HYOU1: variants seen among roughly 807,000 people sequenced by gnomAD.
HYOU1 encodes hypoxia up-regulated 1.
Under a neutral mutation model 120.5 loss-of-function variants are expected in HYOU1, and 40 were observed. That is an observed-to-expected ratio of 0.33 (90% CI 0.26 to 0.43). The LOEUF is 0.43. Among genes scored for constraint, HYOU1 ranks in the 20% least tolerant of loss-of-function variants. HYOU1 has a pLI of 1.00. For missense variants in HYOU1, 1,085 were observed against 1,278.3 expected (o/e 0.85, Z 2.31); for synonymous variants, 501 against 479.4 (o/e 1.05, Z -0.59).
chr11:119,048,680 CAT>C lies in HYOU1; in HGVS notation c.2165+32_2165+33del. 1 of 1,606,616 alleles carries C rather than the reference CAT, an allele frequency of 6.2e-7. No individual in the cohort carries two copies. Among genetic ancestry groups the C allele is most frequent in the East Asian group, 2.2e-5 (1 of 44,816 alleles). ...CCACATCCTGCCCACCTTGCACACA[CAT>C]GTACACACACACACCAGCTGTCCTC... On this transcript the variant is annotated intron_variant, in intron 18 of 25. Coordinates refer to ENST00000617285, the MANE Select transcript of HYOU1 (RefSeq NM_006389.5). The surrounding 1 kb of genome is among the most constrained non-coding windows in gnomAD (Gnocchi z 4.7).
In HYOU1 at chr11:119,048,363, A is replaced by C. The variant is rs1189322654; in HGVS notation, c.2261T>G (p.Leu754Arg). The C allele has an allele frequency of 1.2e-6, 2 of 1,609,528 alleles. No individual in the cohort carries two copies. Among genetic ancestry groups the C allele is most frequent in the Non-Finnish European group, 1.7e-6 (2 of 1,179,902 alleles). ...CACTTCCTGGTACTCGGGCTGGTAC[A>C]GCTTGTCCTGGGGAGGGGGACATGT... ...EAFIFETQDKLYQPEYQEVST... is the reference protein window; with the variant it reads ...EAFIFETQDKRYQPEYQEVST... Residue 754 changes from leucine to arginine, a missense_variant, in exon 20 of 26, where the codon CTG becomes CGG. By Grantham distance (102) the Leu-to-Arg change is moderately radical (BLOSUM62 -2). Coordinates refer to ENST00000617285, the MANE Select transcript of HYOU1 (RefSeq NM_006389.5). The surrounding 1 kb of genome is among the most constrained non-coding windows in gnomAD (Gnocchi z 4.7).
chr11:119,056,325 C>G (rs1440157864), intron 1 of HYOU1, 158 bp from the exon 2 acceptor site: 1 of 694,764 alleles, frequency 1.4e-6, no homozygotes, highest in Non-Finnish European at 2.6e-6. Flanking sequence ...CTGATGGGTA[C>G]AAACCATTCT....
Position 119,048,596 on chromosome 11 carries a change from G to C in HYOU1, c.2166-33C>G. 1 of 1,611,318 alleles carries C rather than the reference G, an allele frequency of 6.2e-7. No individual in the cohort carries two copies. Among genetic ancestry groups the C allele is most frequent in the Non-Finnish European group, 8.5e-7 (1 of 1,178,064 alleles). On this transcript the variant is annotated intron_variant, in intron 18 of 25. Transcript: ENST00000617285. This position sits in a 1 kb window ranked among gnomAD's most constrained non-coding sequence, Gnocchi z 4.7. ...ACAAAGGAGGGGTAGGGATGAGGGA[G>C]AGGGCAAGTGAGAACTTGAGACTCT...
rs2133564821 is a variant in HYOU1, at chr11:119,048,494, T to C, written c.2235A>G (p.Ala745=). 0.83 allele frequency: 1,347,203 copies of C among 1,613,574 alleles called. 566,588 individuals are homozygous for C. Among genetic ancestry groups the C allele is most frequent in the East Asian group, 0.94 (42,313 of 44,864 alleles). Residue 745 remains alanine, a synonymous_variant, in exon 19 of 26, where the codon GCA becomes GCG. Transcript: ENST00000617285. The surrounding 1 kb of genome is among the most constrained non-coding windows in gnomAD (Gnocchi z 4.7). ...CACTGACCTGGGTCTCAAATATGAA[T>C]GCTTCCAAGCTGTTGGCAGCTTTTT... ...EREKAANSLE[A]FIFETQDKLY...
chr11:119,050,844 G>A (rs2133581502), intron 14 of HYOU1, among the ~76,000 whole-genome samples, 191 bp downstream of exon 14: 1 of 150,196 alleles, frequency 6.7e-6, no homozygotes, highest in Admixed American at 6.7e-5. Flanking sequence ...AATTTACAAT[G>A]CCTATAAGCA....
At chr11:119,045,938 C>A (rs1404771515) in intron 24 of HYOU1, 107 bp from the exon 25 acceptor site, 3 of 1,068,210 alleles carry the variant, frequency 2.8e-6, no homozygotes, top group Non-Finnish European at 2.8e-6. Context: ...TTTTAGGATG[C>A]ATGTACCACA....
Position 119,052,872 on chromosome 11 carries a change from G to A in HYOU1, c.795-43C>T, listed in dbSNP as rs1944529605. ...CAGGGAAAAAAGTGAAGAACACATG[G>A]AGTCCCCGCATCTGCACAGGAGCCT... On this transcript the variant is annotated intron_variant, in intron 8 of 25. Transcript: ENST00000617285. This position sits in a 1 kb window ranked among gnomAD's most constrained non-coding sequence, Gnocchi z 5.0. 1 of 1,563,608 alleles carries A rather than the reference G, an allele frequency of 6.4e-7. No homozygotes were observed. The highest frequency in any genetic ancestry group is 8.7e-7 in the Non-Finnish European group (1 of 1,148,938).
Position 119,046,592 on chromosome 11 carries a change from C to T in HYOU1, c.2806G>A (p.Asp936Asn), listed in dbSNP as rs969713717. Residue 936 changes from aspartate to asparagine, a missense_variant, in exon 23 of 26, where the codon GAC becomes AAC. Asp to Asn is a conservative substitution (Grantham distance 23). This residue lies in a region of HYOU1 where 516 missense variants were observed against 517.1 expected (regional missense o/e 1.00). Transcript: ENST00000617285. ...GGAGGGATGACCTTCTCCCCCTGGT[C>T]ACTGGCACTGGCATTGAGGGGTGGC... is the stretch of plus-strand genomic sequence containing the variant. ...AEPPLNASAS[D>N]QGEKVIPPAG... 1 of 1,613,764 alleles carries T rather than the reference C, an allele frequency of 6.2e-7. No homozygotes were observed. The highest frequency in any genetic ancestry group is 1.3e-5 in the African/African-American group (1 of 74,942).
intron 1 of HYOU1, chr11:119,056,699 T>C: frequency 1.1e-5 from 3 of 265,504 alleles, no homozygotes; most frequent in East Asian, 1.0e-4. Context: ...CCCTCCCCTT[T>C]CCCAGCTCAC....
At chr11:119,054,013 G>A (rs1944607281) in intron 8 of HYOU1, 108 bp downstream of exon 8, 1 of 676,684 alleles carries the variant, frequency 1.5e-6, no homozygotes, top group Non-Finnish European at 2.6e-6. Context: ...TCAATCAGGA[G>A]ACCATTCCTG....
intron 15 of HYOU1, 44 bp from the exon 16 acceptor site, chr11:119,049,679 G>C: frequency 6.2e-7 from 1 of 1,607,994 alleles, no homozygotes. Context: ...GACCACAGCA[G>C]TGACTCCACC....
In HYOU1 at chr11:119,052,044, C is replaced by T. The variant is rs1383492601; in HGVS notation, c.1205+46G>A. The T allele has an allele frequency of 6.2e-7, 1 of 1,613,970 alleles. No homozygotes were observed. On this transcript the variant is annotated intron_variant, in intron 11 of 25. Transcript: ENST00000617285. The surrounding 1 kb of genome is among the most constrained non-coding windows in gnomAD (Gnocchi z 5.0). ...CCCTCCAGCTGCTCAGCCCAAAGCC[C>T]TGCCCCAGGCAGAACTCAGCCAAGC...
chr11:119,056,058 T>G lies in HYOU1; in HGVS notation c.91+12A>C. 3 of 1,609,890 alleles carry G rather than the reference T, an allele frequency of 1.9e-6. No individual in the cohort carries two copies. In the South Asian group the frequency reaches 3.3e-5, roughly 18 times the overall value. On this transcript the variant is annotated intron_variant, in intron 2 of 25. Transcript: ENST00000617285. The stretch of plus-strand genomic sequence containing the variant: ...TCATTTATCCATTTGCTCCCTCTAC[T>G]GGGGTACATACCACTCAGTGCCAAC...
rs2133609881 is a variant in HYOU1, at chr11:119,055,079, G to C, written c.420-19C>G. On this transcript the variant is annotated intron_variant, in intron 5 of 25. Coordinates refer to ENST00000617285, the MANE Select transcript of HYOU1 (RefSeq NM_006389.5). This position sits in a 1 kb window ranked among gnomAD's most constrained non-coding sequence, Gnocchi z 4.0. ...CAGCTGCCTGAGGGGAAGGAAGGTAGTTGGAGCCAAGGAAAGCCAGGCATT... is the reference window on the plus strand; with the variant it reads ...CAGCTGCCTGAGGGGAAGGAAGGTACTTGGAGCCAAGGAAAGCCAGGCATT... 1 of 1,614,040 alleles carries C rather than the reference G, an allele frequency of 6.2e-7. No individual in the cohort carries two copies. Among genetic ancestry groups the C allele is most frequent in the South Asian group, 1.1e-5 (1 of 91,090 alleles).
intron 8 of HYOU1, 187 bp from the exon 9 acceptor site, chr11:119,053,016 A>G: frequency 1.8e-6 from 1 of 563,474 alleles, no homozygotes; most frequent in Non-Finnish European, 3.1e-6. Context: ...CCTCGCAGTG[A>G]CCCTTCTTCC....
chr11:119,053,620 G>A (rs2133600443), intron 8 of HYOU1: 1 of 153,100 alleles, frequency 6.5e-6, no homozygotes, highest in East Asian at 1.9e-4. Flanking sequence ...ACGTCACTAG[G>A]AACAGGGAGA....
At chr11:119,049,313 G>A (rs967681223) in intron 16 of HYOU1, 110 bp from the exon 17 acceptor site, 1 of 1,565,784 alleles carries the variant, frequency 6.4e-7, no homozygotes, top group Non-Finnish European at 8.6e-7. Context: ...ACTGCTGTAT[G>A]GAAACGGTCA....
intron 22 of HYOU1, chr11:119,047,525 G>A: frequency 3.7e-6 from 2 of 544,578 alleles, no homozygotes; most frequent in Non-Finnish European, 6.6e-6. Context: ...TCATGGGATG[G>A]GCTTTTTTGC....
At chr11:119,050,627 G>T (rs1393150328) in intron 14 of HYOU1, among the ~76,000 whole-genome samples, 1 of 148,544 alleles carries the variant, frequency 6.7e-6, no homozygotes, top group Non-Finnish European at 1.5e-5. Flanking sequence ...AGGCTGAGAT[G>T]GGAGGATCAT....
Sources: allele counts gnomAD v4.1 joint callset (sites outside exome capture counted in the v4.1 genomes callset), GRCh38; gene constraint gnomAD v4.1.1; regional missense constraint gnomAD v4.1.1; non-coding constraint Gnocchi (gnomAD v3.1); transcripts MANE v1.5; gene names NCBI Gene and HGNC (gene_info 2026-07-23, HGNC 2026-07-21).